The following ARHGEF10 variants were observed in gnomAD, a reference collection of about 807,000 sequenced individuals.
The protein encoded by ARHGEF10 is Rho guanine nucleotide exchange factor (GEF) 10.
In ARHGEF10, 140 loss-of-function variants were observed where a neutral mutation model predicts 147.4. That is an observed-to-expected ratio of 0.95 (90% CI 0.83 to 1.09). The LOEUF is 1.09. ARHGEF10 is among the 50% of genes least tolerant of loss of function. The pLI, the probability that ARHGEF10 is intolerant of heterozygous loss-of-function variation, is 0.00. For synonymous variants in ARHGEF10, 902 were observed against 695.8 expected, an observed-to-expected ratio of 1.30 and a Z score of -4.67; for missense variants, 2,222 against 1,752.7, an observed-to-expected ratio of 1.27 and a Z score of -4.78.
chr8:1,920,851 C>G (rs1812229972), intron 18 of ARHGEF10, among the ~76,000 whole-genome samples: 3 of 147,982 alleles, frequency 2.0e-5, no homozygotes, highest in Non-Finnish European at 4.4e-5. Flanking sequence ...ATGGCATGAT[C>G]TTGGCTCACC....
At chr8:1,823,858 A>G (rs1280118310), upstream of ARHGEF10, 3 of 151,566 alleles carry the variant, frequency 2.0e-5, no homozygotes, top group Non-Finnish European at 4.4e-5. Flanking sequence ...TCTGCGGCCA[A>G]TGGGCGCCCG....
At chr8:1,956,628 T>G in intron 28 of ARHGEF10, 121 bp from the exon 29 acceptor site, 1 of 1,017,686 alleles carries the variant, frequency 9.8e-7, no homozygotes, top group South Asian at 1.3e-5. Context: ...TGCAAGTTAC[T>G]TACAGGCTTT....
At chr8:1,851,146 C>T (rs1446938587) in intron 2 of ARHGEF10, among the ~76,000 whole-genome samples, 3 of 151,830 alleles carry the variant, frequency 2.0e-5, no homozygotes, top group Non-Finnish European at 4.4e-5. Flanking sequence ...GGCACAGCAC[C>T]AGGAGCGAGG....
chr8:1,934,374 G>T (rs1315009476), intron 26 of ARHGEF10, among the ~76,000 whole-genome samples: 1 of 141,612 alleles, frequency 7.1e-6, no homozygotes, highest in Non-Finnish European at 1.5e-5. Context: ...AAAAAAAAAG[G>T]AAAGGGAAAG....
chr8:1,946,138 A>G (rs1814571103), intron 27 of ARHGEF10, among the ~76,000 whole-genome samples: 1 of 152,152 alleles, frequency 6.6e-6, no homozygotes, highest in African/African-American at 2.4e-5. Context: ...GGAGAAGGCC[A>G]TTACACATTG....
chr8:1,861,094 G>A (rs1442451673), intron 4 of ARHGEF10, among the ~76,000 whole-genome samples: 1 of 152,212 alleles, frequency 6.6e-6, no homozygotes, highest in African/African-American at 2.4e-5. Context: ...GCCCTCGTGG[G>A]TGCCTCGCTC....
intron 17 of ARHGEF10, among the ~76,000 whole-genome samples, chr8:1,907,807 G>A (rs141342429): frequency 6.6e-6 from 1 of 152,300 alleles, no homozygotes; most frequent in Non-Finnish European, 1.5e-5. Flanking sequence ...GTCAGTGTGA[G>A]ATTTTCAGCG....
chr8:1,853,897 C>A (rs191613564), intron 2 of ARHGEF10, among the ~76,000 whole-genome samples: 1 of 152,328 alleles, frequency 6.6e-6, no homozygotes, highest in East Asian at 1.9e-4. Flanking sequence ...CACTGCCACA[C>A]TGGGTTAGCC....
At position 1,898,413 on chromosome 8, in the gene ARHGEF10, C is replaced by A; in HGVS notation, c.1558-20C>A. ...CATGGCAGCCCTGCAGGGAGGTGAC[C>A]CCGGTGCCTTCCCCCACAGCAGGAA... On this transcript the variant is annotated intron_variant, in intron 14 of 28. Transcript: ENST00000349830. 1 of 1,612,404 alleles carries A rather than the reference C, an allele frequency of 6.2e-7. No individual in the cohort carries two copies. The highest frequency in any genetic ancestry group is 8.5e-7 in the Non-Finnish European group (1 of 1,178,734).
At chr8:1,838,589 TG>T (rs1169002983) in intron 1 of ARHGEF10, among the ~76,000 whole-genome samples, 4 of 152,256 alleles carry the variant, frequency 2.6e-5, no homozygotes, top group African/African-American at 9.6e-5. Flanking sequence ...TCAGCACAGT[TG>T]GTGTTGGCTG....
chr8:1,883,921 C>G (rs1563226631), intron 10 of ARHGEF10, among the ~76,000 whole-genome samples: 1 of 152,154 alleles, frequency 6.6e-6, no homozygotes, highest in Non-Finnish European at 1.5e-5. Context: ...TCACAACTGC[C>G]CACCTGGAGC....
chr8:1,951,228 C>T (rs905749068), intron 27 of ARHGEF10, among the ~76,000 whole-genome samples: 5 of 152,370 alleles, frequency 3.3e-5, no homozygotes, highest in Non-Finnish European at 2.9e-5. Flanking sequence ...GGCTGCTCCC[C>T]GTGTTGTAGA....
Position 1,885,652 on chromosome 8 carries a change from G to T in ARHGEF10, c.1127G>T (p.Cys376Phe). Residue 376 changes from cysteine to phenylalanine, a missense_variant, in exon 11 of 29, where the codon TGC becomes TTC. Coordinates refer to ENST00000349830, the MANE Select transcript of ARHGEF10 (RefSeq NM_014629.4). ...CAGAATTTGTTCATTGATGTTGACT[G>T]CAAGCACCCGGAAGCCATCTTGACC... Reference protein sequence around the residue: ...EEQNLFIDVDCKHPEAILTPM... With the variant: ...EEQNLFIDVDFKHPEAILTPM... 6.2e-7 allele frequency: 1 copy of T among 1,613,982 alleles called. No homozygotes were observed. The highest frequency in any genetic ancestry group is 1.6e-4 in the Middle Eastern group (1 of 6,062).
Position 1,879,557 on chromosome 8 carries a change from CT to C in ARHGEF10, c.844-479del, listed in dbSNP as rs11396190. ...TTAGCTCATTTCTGCATTTATCTCT[CT>C]TTTTTTTTTTTGGAGACAGGGTCTT... is the stretch of plus-strand genomic sequence containing the variant. On this transcript the variant is annotated intron_variant, in intron 8 of 28. Coordinates refer to ENST00000349830, the MANE Select transcript of ARHGEF10 (RefSeq NM_014629.4). Among the ~76,000 whole-genome samples, 967 of 144,564 alleles carry C rather than the reference CT, an allele frequency of 6.7e-3. 6 individuals are homozygous for C. Among genetic ancestry groups the C allele is most frequent in the African/African-American group, 0.02 (780 of 39,192 alleles). 94.8% of individuals were successfully genotyped at this position (144,564 alleles called of 152,430 possible). A position where few individuals can be genotyped will look rare whatever the true frequency, so the allele number is the denominator to read the frequency against.
intron 4 of ARHGEF10, among the ~76,000 whole-genome samples, chr8:1,863,336 C>T (rs1244957533): frequency 6.6e-6 from 1 of 152,194 alleles, no homozygotes. Context: ...CTGGTGTGAC[C>T]AGGGACCTGT....
chr8:1,832,856 ACAGAGG>A lies in ARHGEF10; in HGVS notation c.-48+8755_-48+8760del, dbSNP rs1179151132. ...GAGGCAGAGACAGAGGCAGAGAGAG[ACAGAGG>A]CAGAGGCAGAGACAGAGAGACAGAG... On this transcript the variant is annotated intron_variant, in intron 1 of 28. Transcript: ENST00000349830. 1.3e-3 allele frequency among the ~76,000 whole-genome samples: 187 copies of A among 143,604 alleles called. 21 individuals carry two copies. Among genetic ancestry groups the A allele is most frequent in the African/African-American group, 4.2e-3 (155 of 36,624 alleles). 94.2% of individuals were successfully genotyped at this position (143,604 alleles called of 152,430 possible).
chr8:1,884,393 C>G (rs1322980481), intron 10 of ARHGEF10, among the ~76,000 whole-genome samples: 20 of 98,358 alleles, frequency 2.0e-4, no homozygotes, highest in Admixed American at 5.7e-4. Flanking sequence ...AAGAGTCCAT[C>G]TCAAGAAAAA....
At chr8:1,834,948 G>A (rs1046523668) in intron 1 of ARHGEF10, among the ~76,000 whole-genome samples, 3 of 152,196 alleles carry the variant, frequency 2.0e-5, no homozygotes, top group Non-Finnish European at 4.4e-5. Context: ...CTGTCCGCGG[G>A]GCCACTTCAC....
rs1296801706 is a variant in ARHGEF10, at chr8:1,880,038, T to C, written c.844-10T>C. 2.5e-6 allele frequency: 4 copies of C among 1,581,656 alleles called. No homozygotes were observed. The South Asian group carries it at 4.4e-5, about 17-fold the overall frequency. On this transcript the variant is annotated splice_polypyrimidine_tract_variant and intron_variant, in intron 8 of 28. Transcript: ENST00000349830. ...TTTTTGTGAAAAGACTGTGTCTCTT[T>C]ATGCTGTAGCTTTCTCATGACCTAA... is the stretch of plus-strand genomic sequence containing the variant.
Sources: gnomAD v4.1 joint callset for allele counts (sites outside exome capture counted in the v4.1 genomes callset) on GRCh38, gnomAD v4.1.1 for gene constraint, MANE v1.5 for transcripts, NCBI Gene and HGNC (gene_info 2026-07-23, HGNC 2026-07-21) for gene names.